Variants in CNKSR2 observed in about 807,000 individuals in gnomAD.
CNKSR2 encodes the protein CNK homolog protein 2.
In CNKSR2, 14 loss-of-function variants were observed where a neutral mutation model predicts 84.4. The ratio of observed to expected loss-of-function variants is 0.17; its 90% CI spans 0.11 to 0.26. CNKSR2 has a LOEUF of 0.26. Among genes scored for constraint, CNKSR2 ranks in the 10% least tolerant of loss-of-function variants. The pLI, the probability that CNKSR2 is intolerant of heterozygous loss-of-function variation, is 1.00. For synonymous variants in CNKSR2, 275 were observed against 277.9 expected, an observed-to-expected ratio of 0.99 and a Z score of 0.10; for missense variants, 485 against 771.2, an observed-to-expected ratio of 0.63 and a Z score of 4.40.
At chrX:21,401,316 C>T (rs182425159) in intron 1 of CNKSR2, among the ~76,000 whole-genome samples, 2 of 111,093 alleles carry the variant, frequency 1.8e-5, no homozygotes, top group East Asian at 2.8e-4. Context: ...TAAAAAAAAT[C>T]GTGTATTTTA....
At chrX:21,437,419 G>GTTTT (rs749717203) in intron 3 of CNKSR2, among the ~76,000 whole-genome samples, 1 of 86,537 alleles carries the variant, frequency 1.2e-5, no homozygotes, top group Non-Finnish European at 2.3e-5. Flanking sequence ...TCTCTATGTA[G>GTTTT]TTTTTTTTTT....
At chrX:21,431,358 GT>G (rs1184663617) in intron 2 of CNKSR2, among the ~76,000 whole-genome samples, 1 of 111,329 alleles carries the variant, frequency 9.0e-6, no homozygotes, top group African/African-American at 3.3e-5. Flanking sequence ...AAGGAATGTG[GT>G]AGACATATCC....
Position 21,374,856 on chromosome X carries a change from G to A in CNKSR2, c.-42G>A. 2 of 1,149,220 alleles carry A rather than the reference G, an allele frequency of 1.7e-6. No homozygotes were observed. The highest frequency in any genetic ancestry group is 2.4e-6 in the Non-Finnish European group (2 of 837,998). The allele number at this position is 1,149,220 out of a possible 1,213,427, so 94.7% of individuals were successfully genotyped here. A position where few individuals can be genotyped will look rare whatever the true frequency, so the allele number is the denominator to read the frequency against. On this transcript the variant is annotated 5_prime_UTR_variant, in exon 1 of 22. In the 5' UTR this introduces an upstream ATG that the reference lacks. Transcript: ENST00000379510. ...CAGCTCGGGCTGCTGAGTTCGTTTTGTGTCTGAGCTCTGCGCTCTGCACGG... is the reference window on the plus strand; with the variant it reads ...CAGCTCGGGCTGCTGAGTTCGTTTTATGTCTGAGCTCTGCGCTCTGCACGG...
chrX:21,386,805 T>G (rs751963640), intron 1 of CNKSR2, among the ~76,000 whole-genome samples: 116 of 111,813 alleles, frequency 1.0e-3, no homozygotes, highest in Non-Finnish European at 1.7e-3. Context: ...CCCAGGACAA[T>G]AGAACCTTAA....
intron 4 of CNKSR2, among the ~76,000 whole-genome samples, chrX:21,448,727 A>C (rs2090887541): frequency 9.0e-6 from 1 of 111,612 alleles, no homozygotes; most frequent in Non-Finnish European, 1.9e-5. Context: ...AATGGCAAAA[A>C]ACACGAATAC....
chrX:21,522,897 A>G (rs932750504), intron 9 of CNKSR2, among the ~76,000 whole-genome samples: 1 of 111,295 alleles, frequency 9.0e-6, no homozygotes, highest in Admixed American at 9.6e-5. Context: ...AAGTATTTAT[A>G]CATTCAAACT....
chrX:21,483,290 A>G (rs1302303534), intron 5 of CNKSR2, among the ~76,000 whole-genome samples: 3 of 111,039 alleles, frequency 2.7e-5, no homozygotes, highest in Middle Eastern at 4.7e-3. Context: ...GCTGGAAACC[A>G]TCATTCTCAG....
In CNKSR2 at chrX:21,595,416, TAGA is replaced by T. The variant is rs778303273; in HGVS notation, c.1976+24_1976+26del. 8.9e-6 allele frequency: 9 copies of T among 1,006,680 alleles called. No homozygotes were observed. The South Asian group carries it at 1.9e-4, about 21-fold the overall frequency. The allele number at this position is 1,006,680 out of a possible 1,213,427, so 83.0% of individuals were successfully genotyped here. ...AACAGGTAAAGTATTTCAGAGTATG[TAGA>T]AGGTCAGTGAGGCCTAGAATTCTAA... is the stretch of plus-strand genomic sequence containing the variant. On this transcript the variant is annotated intron_variant, in intron 17 of 21. Transcript: ENST00000379510.
chrX:21,624,618 C>T (rs2092615242), intron 20 of CNKSR2, among the ~76,000 whole-genome samples: 1 of 110,393 alleles, frequency 9.1e-6, no homozygotes, highest in South Asian at 3.9e-4. Flanking sequence ...CAAGCAATTT[C>T]CGGCTAATTT....
chrX:21,575,501 T>G (rs2092313458), intron 13 of CNKSR2, among the ~76,000 whole-genome samples: 1 of 110,482 alleles, frequency 9.1e-6, no homozygotes, highest in Non-Finnish European at 1.9e-5. Context: ...TAAGATGGAG[T>G]ACACACATTT....
intron 13 of CNKSR2, among the ~76,000 whole-genome samples, chrX:21,580,581 A>G (rs1203834186): frequency 8.9e-6 from 1 of 111,915 alleles, no homozygotes; most frequent in East Asian, 2.8e-4. Context: ...TTCTTTTACA[A>G]ATAAAACCAT....
intron 1 of CNKSR2, among the ~76,000 whole-genome samples, chrX:21,420,703 G>A (rs954836612): frequency 3.6e-5 from 4 of 110,782 alleles, no homozygotes; most frequent in African/African-American, 1.3e-4. Context: ...GCCTGGAAAG[G>A]GGCCCTCATG....
chrX:21,452,314 G>A (rs757621308), intron 4 of CNKSR2, among the ~76,000 whole-genome samples: 15 of 111,055 alleles, frequency 1.4e-4, no homozygotes, highest in Non-Finnish European at 2.1e-4. Context: ...GGTTGGTCTC[G>A]AACTCCTGAC....
In CNKSR2 at chrX:21,591,013, AC is replaced by A; in HGVS notation, c.1658-6del. On this transcript the variant is annotated splice_polypyrimidine_tract_variant and splice_region_variant and intron_variant, in intron 14 of 21. Coordinates refer to ENST00000379510, the MANE Select transcript of CNKSR2 (RefSeq NM_014927.5). The stretch of plus-strand genomic sequence containing the variant: ...TTGACAAAATTGAAAGAGCATTTCC[AC>A]CCTTTAGGTCCTATAGCAGGCAAGA... 8.4e-7 allele frequency: 1 copy of A among 1,191,298 alleles called. No homozygotes were observed. The highest frequency in any genetic ancestry group is 1.1e-6 in the Non-Finnish European group (1 of 885,277).
At chrX:21,495,944 A>G (rs1255512431) in intron 6 of CNKSR2, among the ~76,000 whole-genome samples, 1 of 109,217 alleles carries the variant, frequency 9.2e-6, no homozygotes, top group African/African-American at 3.3e-5. Flanking sequence ...CATAGAATGT[A>G]CTTACACAAA....
At chrX:21,441,007 A>G (rs1254541976) in intron 4 of CNKSR2, 1 of 243,002 alleles carries the variant, frequency 4.1e-6, no homozygotes, top group Non-Finnish European at 7.3e-6. Context: ...ACACACACAA[A>G]CAAATGTGCC....
At chrX:21,436,737 G>A (rs775907485) in intron 3 of CNKSR2, among the ~76,000 whole-genome samples, 2 of 111,076 alleles carry the variant, frequency 1.8e-5, no homozygotes, top group South Asian at 3.8e-4. Flanking sequence ...GTATGTGCAT[G>A]CATGCTGATC....
chrX:21,531,004 C>T (rs1028082709), intron 10 of CNKSR2, among the ~76,000 whole-genome samples: 1 of 110,158 alleles, frequency 9.1e-6, no homozygotes, highest in Admixed American at 9.7e-5. Flanking sequence ...TATCAGATTA[C>T]CTTCTCTCCT....
intron 1 of CNKSR2, among the ~76,000 whole-genome samples, chrX:21,420,483 G>A (rs188660837): frequency 7.2e-5 from 8 of 111,815 alleles, no homozygotes; most frequent in African/African-American, 1.6e-4. Flanking sequence ...ATTGTGCCCC[G>A]TAGTCAACCG....
Sources: allele counts gnomAD v4.1 joint callset (sites outside exome capture counted in the v4.1 genomes callset), GRCh38; gene constraint gnomAD v4.1.1; transcripts MANE v1.5; gene names NCBI Gene and HGNC (gene_info 2026-07-23, HGNC 2026-07-21).